Variants in COL22A1 observed in about 807,000 individuals in gnomAD.
COL22A1 encodes the protein collagen type XXII alpha 1 chain, also known as collagen alpha-1(XXII) chain.
In COL22A1, 221 loss-of-function variants were observed where a neutral mutation model predicts 248.9. That is an observed-to-expected ratio of 0.89 (90% CI 0.80 to 0.99). The LOEUF (loss-of-function observed/expected upper bound fraction) is 0.99. Ranked by LOEUF, COL22A1 falls within the 50% of genes least tolerant of loss-of-function variation. The pLI is 0.00. For missense variants in COL22A1, 2,240 were observed against 2,179.0 expected (o/e 1.03, Z -0.56); for synonymous variants, 891 against 793.4 (o/e 1.12, Z -2.07).
At chr8:138,595,602 C>T (rs11984795) in intron 62 of COL22A1, among the ~76,000 whole-genome samples, 2,386 of 152,178 alleles carry the variant, frequency 0.016, 50 homozygotes, top group African/African-American at 0.05. Flanking sequence ...ACGTGTGCTT[C>T]AGAAAACAGC....
intron 39 of COL22A1, among the ~76,000 whole-genome samples, chr8:138,680,999 G>T (rs1040836105): frequency 6.6e-6 from 1 of 152,124 alleles, no homozygotes; most frequent in Non-Finnish European, 1.5e-5. Context: ...CCCGGGGGGG[G>T]TCTCAGCCTG....
chr8:138,884,833 T>C (rs917741752), intron 1 of COL22A1, among the ~76,000 whole-genome samples: 4 of 152,190 alleles, frequency 2.6e-5, no homozygotes, highest in African/African-American at 9.7e-5. Flanking sequence ...CTGAATTATG[T>C]TGACATTTCC....
At chr8:138,725,748 TGCAGACACACACAC>T in intron 23 of COL22A1, among the ~76,000 whole-genome samples, 1 of 146,236 alleles carries the variant, frequency 6.8e-6, no homozygotes, top group Admixed American at 7.0e-5. Flanking sequence ...TGTGCACATG[TGCAGACACACACAC>T]ACACACACAC....
At chr8:138,837,768 C>T (rs1273463384) in intron 4 of COL22A1, among the ~76,000 whole-genome samples, 9 of 152,188 alleles carry the variant, frequency 5.9e-5, no homozygotes, top group Non-Finnish European at 1.3e-4. Context: ...TTCCATGAAA[C>T]TGGTGCCTAA....
chr8:138,902,739 T>TATATACACACACACACAC (rs763466994), intron 1 of COL22A1, among the ~76,000 whole-genome samples: 12 of 93,884 alleles, frequency 1.3e-4, no homozygotes, highest in African/African-American at 4.5e-4. Context: ...TATATATATA[T>TATATACACACACACACAC]ACACACACAC....
At chr8:138,882,402 TCACA>T (rs1298888034) in intron 2 of COL22A1, among the ~76,000 whole-genome samples, 33 of 88,606 alleles carry the variant, frequency 3.7e-4, no homozygotes, top group African/African-American at 9.6e-4. Flanking sequence ...TACCTCAAAC[TCACA>T]CATATTCTCT....
At chr8:138,754,104 CA>C (rs1213241755) in intron 21 of COL22A1, among the ~76,000 whole-genome samples, 3 of 152,234 alleles carry the variant, frequency 2.0e-5, no homozygotes, top group East Asian at 3.8e-4. Flanking sequence ...TTCACCCTTG[CA>C]GACTTAATAT....
chr8:138,703,346 C>T lies in COL22A1; in HGVS notation c.2519G>A (p.Gly840Asp). The T allele has an allele frequency of 6.2e-7, 1 of 1,613,468 alleles. No individual in the cohort carries two copies. The highest frequency in any genetic ancestry group is 1.3e-5 in the African/African-American group (1 of 74,972). Residue 840 changes from glycine (G) to aspartate (D), a missense_variant and splice_region_variant, in exon 31 of 65, where the codon GGT becomes GAT. Physicochemically the swap from Gly to Asp is moderately conservative, Grantham distance 94. Transcript: ENST00000303045. ...GGGAGGGCCTGCAGGACCAGCTTCA[C>T]CCTAGATGGAGAAATGGAAAATCCA... The part of the protein sequence containing the change: ...PGLKGDRGEK[G>D]EAGPAGPPGL...
At chr8:138,680,555 A>T (rs1825879831) in intron 39 of COL22A1, among the ~76,000 whole-genome samples, 1 of 152,218 alleles carries the variant, frequency 6.6e-6, no homozygotes. Context: ...AGGGGCAGCC[A>T]AGGAAAACCT....
At chr8:138,663,012 T>TCA (rs1238032353) in intron 42 of COL22A1, among the ~76,000 whole-genome samples, 4 of 140,772 alleles carry the variant, frequency 2.8e-5, no homozygotes, top group Non-Finnish European at 4.7e-5. Flanking sequence ...CAGGACTCTG[T>TCA]CACTCACACA....
intron 49 of COL22A1, among the ~76,000 whole-genome samples, chr8:138,633,313 A>G (rs567015269): frequency 1.3e-5 from 2 of 152,376 alleles, no homozygotes; most frequent in African/African-American, 4.8e-5. Flanking sequence ...TCAGCTGGAG[A>G]CAGACAAGCT....
At chr8:138,898,483 C>T (rs1472685237) in intron 1 of COL22A1, among the ~76,000 whole-genome samples, 1 of 152,134 alleles carries the variant, frequency 6.6e-6, no homozygotes, top group African/African-American at 2.4e-5. Flanking sequence ...CTTAAATGCC[C>T]ATAAGTCTCT....
chr8:138,745,084 C>A (rs1383098585), intron 22 of COL22A1, among the ~76,000 whole-genome samples: 1 of 152,212 alleles, frequency 6.6e-6, no homozygotes, highest in African/African-American at 2.4e-5. Context: ...ATATTTCTCA[C>A]TGTGAGTCTC....
chr8:138,650,795 A>C (rs1328091022), intron 45 of COL22A1, among the ~76,000 whole-genome samples: 1 of 152,134 alleles, frequency 6.6e-6, no homozygotes, highest in Non-Finnish European at 1.5e-5. Flanking sequence ...TTATTTATTC[A>C]CTCAGTCACT....
At chr8:138,688,751 A>T (rs1380903163) in intron 37 of COL22A1, among the ~76,000 whole-genome samples, 166 bp downstream of exon 37, 1 of 152,022 alleles carries the variant, frequency 6.6e-6, no homozygotes, top group Non-Finnish European at 1.5e-5. Context: ...GTTGTGAGGA[A>T]TAAATGAGCC....
At chr8:138,903,739 T>G (rs2132172015) in intron 1 of COL22A1, among the ~76,000 whole-genome samples, 1 of 152,326 alleles carries the variant, frequency 6.6e-6, no homozygotes, top group East Asian at 1.9e-4. Flanking sequence ...AATACCCTGC[T>G]TTTTCAGCTA....
intron 5 of COL22A1, among the ~76,000 whole-genome samples, chr8:138,832,308 G>C (rs1474427178): frequency 6.6e-6 from 1 of 152,014 alleles, no homozygotes; most frequent in African/African-American, 2.4e-5. Context: ...CTTTCACTTT[G>C]CACCGTGGAC....
At chr8:138,813,517 CT>C (rs1375908705) in intron 7 of COL22A1, among the ~76,000 whole-genome samples, 1 of 152,178 alleles carries the variant, frequency 6.6e-6, no homozygotes, top group Non-Finnish European at 1.5e-5. Flanking sequence ...AATCTCTTTC[CT>C]TTATAAATTA....
intron 1 of COL22A1, among the ~76,000 whole-genome samples, chr8:138,912,866 T>C (rs533446078): frequency 1.5e-3 from 224 of 152,286 alleles, no homozygotes; most frequent in African/African-American, 5.3e-3. Flanking sequence ...GGTGCCTCCT[T>C]CTGCAGATGG....
Sources: allele counts gnomAD v4.1 joint callset (sites outside exome capture counted in the v4.1 genomes callset), GRCh38; gene constraint gnomAD v4.1.1; transcripts MANE v1.5; gene names NCBI Gene and HGNC (gene_info 2026-07-23, HGNC 2026-07-21).